The following COL4A5 variants were observed in gnomAD, a reference collection of about 807,000 sequenced individuals.
COL4A5 encodes collagen type IV alpha 5 chain.
COL4A5 carries 26 observed loss-of-function variants against 130.2 expected under a neutral mutation model. That is an observed-to-expected ratio of 0.20 (90% CI 0.15 to 0.28). COL4A5 has a LOEUF of 0.28. Ranked by LOEUF, COL4A5 falls within the 10% of genes least tolerant of loss-of-function variation. The pLI, the probability that COL4A5 is intolerant of heterozygous loss-of-function variation, is 1.00. For synonymous variants in COL4A5, 496 were observed against 439.6 expected (o/e 1.13, Z -1.60); for missense variants, 1,131 against 1,344.3 (o/e 0.84, Z 2.48).
intron 16 of COL4A5, 89 bp downstream of exon 16, chrX:108,581,116 A>C (rs190378825): frequency 1.4e-6 from 1 of 738,651 alleles, no homozygotes; most frequent in African/African-American, 2.1e-5. Flanking sequence ...GTATGACAAA[A>C]ATTGTGGGGT....
At chrX:108,544,656 A>G (rs1196219569) in intron 2 of COL4A5, among the ~76,000 whole-genome samples, 1 of 105,083 alleles carries the variant, frequency 9.5e-6, no homozygotes, top group South Asian at 4.0e-4. Flanking sequence ...TTTTTTTTTT[A>G]TTGATTGGAA....
chrX:108,580,444 TA>T, intron 13 of COL4A5, 88 bp from the exon 14 acceptor site: 1 of 779,117 alleles, frequency 1.3e-6, no homozygotes, highest in Non-Finnish European at 2.0e-6. Context: ...TTCAGTTTAT[TA>T]AAAATGCTCC....
In COL4A5 at chrX:108,697,363, C is replaced by A. The variant is rs976324765; in HGVS notation, c.*985C>A. On this transcript the variant is annotated 3_prime_UTR_variant, in exon 53 of 53. Coordinates refer to ENST00000328300, the MANE Select transcript of COL4A5 (RefSeq NM_033380.3). ...CCTCTGCTTGTACAGAACTGGGAAA[C>A]AACACTTGGTTAGTCTCTTTTAAGT... 1 of 110,466 alleles carries A rather than the reference C, an allele frequency of 9.1e-6. No homozygotes were observed. Among genetic ancestry groups the A allele is most frequent in the African/African-American group, 3.3e-5 (1 of 30,419 alleles). 9.1% of individuals were successfully genotyped at this position (110,466 alleles called of 1,213,427 possible).
chrX:108,568,715 G>A, intron 5 of COL4A5, 42 bp downstream of exon 5: 2 of 1,202,363 alleles, frequency 1.7e-6, no homozygotes, highest in Non-Finnish European at 2.3e-6. Context: ...CTCTTGAAAA[G>A]TAATCTAAGA....
intron 1 of COL4A5, chrX:108,440,472 G>A (rs1761298819): frequency 2.7e-6 from 1 of 370,794 alleles, no homozygotes; most frequent in Admixed American, 4.6e-5. Context: ...AGTCAGAAGT[G>A]GGGGACGCTA....
chrX:108,521,139 C>T (rs188776165), intron 1 of COL4A5, among the ~76,000 whole-genome samples: 2 of 111,780 alleles, frequency 1.8e-5, no homozygotes, highest in Non-Finnish European at 3.8e-5. Context: ...ATAAGAAAAT[C>T]AACAGCAATC....
At chrX:108,652,142 A>G (rs1236912612) in intron 36 of COL4A5, among the ~76,000 whole-genome samples, 1 of 111,797 alleles carries the variant, frequency 8.9e-6, no homozygotes, top group Non-Finnish European at 1.9e-5. Flanking sequence ...GAGGTGATGG[A>G]TATGTGTAGT....
intron 4 of COL4A5, among the ~76,000 whole-genome samples, chrX:108,565,888 A>G (rs113830467): frequency 4.3e-4 from 48 of 111,831 alleles, no homozygotes; most frequent in African/African-American, 1.4e-3. Context: ...ATACTGCAAT[A>G]ACATTAAAGA....
At chrX:108,628,567 C>T (rs1569499545) in intron 36 of COL4A5, among the ~76,000 whole-genome samples, 1 of 111,465 alleles carries the variant, frequency 9.0e-6, no homozygotes, top group Non-Finnish European at 1.9e-5. Flanking sequence ...TCTATTTATA[C>T]TCTTTGCCTC....
intron 36 of COL4A5, among the ~76,000 whole-genome samples, chrX:108,646,353 T>G (rs1249020160): frequency 1.6e-4 from 18 of 112,406 alleles, no homozygotes; most frequent in African/African-American, 5.5e-4. Context: ...TTTTTTCATG[T>G]GTTTTTTGGC....
intron 30 of COL4A5, among the ~76,000 whole-genome samples, 184 bp downstream of exon 30, chrX:108,615,208 A>G (rs1206239735): frequency 1.8e-5 from 2 of 112,302 alleles, no homozygotes; most frequent in Non-Finnish European, 3.8e-5. Context: ...TTAATCCCTG[A>G]TATTTCCCTT....
intron 36 of COL4A5, among the ~76,000 whole-genome samples, chrX:108,645,643 A>G (rs775934734): frequency 3.0e-3 from 320 of 108,331 alleles, no homozygotes; most frequent in African/African-American, 9.9e-3. Context: ...GGTTTGTTAC[A>G]TATGTATACA....
chrX:108,584,440 T>G, intron 17 of COL4A5, 44 bp from the exon 18 acceptor site: 1 of 1,131,699 alleles, frequency 8.8e-7, no homozygotes, highest in Non-Finnish European at 1.2e-6. Flanking sequence ...AATTGATGTT[T>G]TCATGTGAAT....
Position 108,695,448 on chromosome X carries a change from C to T in COL4A5, c.4994+9C>T, listed in dbSNP as rs2148002593. 8.3e-7 allele frequency: 1 copy of T among 1,208,361 alleles called. No homozygotes were observed. On this transcript the variant is annotated intron_variant, in intron 52 of 52. Transcript: ENST00000328300. The stretch of plus-strand genomic sequence containing the variant: ...GTGTCAGACATGTTCAGGTAAAGTG[C>T]TTATAGCTTTAATTCAGGTCCAAAG...
chrX:108,577,859 T>A (rs1235221353), intron 10 of COL4A5, 93 bp from the exon 11 acceptor site: 5 of 750,724 alleles, frequency 6.7e-6, no homozygotes, highest in Non-Finnish European at 9.6e-6. Context: ...TTTGATGGGC[T>A]TTTTCACACC....
chrX:108,520,020 T>C (rs771015953), intron 1 of COL4A5, among the ~76,000 whole-genome samples: 2 of 111,760 alleles, frequency 1.8e-5, no homozygotes, highest in Non-Finnish European at 3.8e-5. Context: ...AAACTTTTTC[T>C]TTTCTTTCAA....
chrX:108,557,999 T>C (rs1426390366), intron 2 of COL4A5, among the ~76,000 whole-genome samples: 1 of 107,984 alleles, frequency 9.3e-6, no homozygotes, highest in Non-Finnish European at 1.9e-5. Flanking sequence ...TATGTATACA[T>C]GTGCCATGTT....
intron 1 of COL4A5, among the ~76,000 whole-genome samples, chrX:108,489,572 T>C (rs1488312041): frequency 8.9e-6 from 1 of 112,229 alleles, no homozygotes; most frequent in Non-Finnish European, 1.9e-5. Context: ...TAAAGTCTTA[T>C]TTTAATACCG....
At chrX:108,526,627 T>C (rs2065319541) in intron 1 of COL4A5, among the ~76,000 whole-genome samples, 3 of 65,583 alleles carry the variant, frequency 4.6e-5, no homozygotes, top group African/African-American at 2.7e-4. Context: ...TTTCTTTCTT[T>C]CTTTCTTTCT....
Sources: allele counts gnomAD v4.1 joint callset (sites outside exome capture counted in the v4.1 genomes callset), GRCh38; gene constraint gnomAD v4.1.1; transcripts MANE v1.5; gene names NCBI Gene and HGNC (gene_info 2026-07-23, HGNC 2026-07-21).